ASAP1: variants seen among roughly 807,000 people sequenced by gnomAD.
ASAP1 encodes ArfGAP with SH3 domain, ankyrin repeat and PH domain 1.
In ASAP1, 43 loss-of-function variants were observed where a neutral mutation model predicts 145.2. The ratio of observed to expected loss-of-function variants is 0.30; its 90% CI spans 0.23 to 0.38. ASAP1 has a LOEUF of 0.38. Ranked by LOEUF, ASAP1 falls within the 10% of genes least tolerant of loss-of-function variation. ASAP1 has a pLI of 1.00. For synonymous variants in ASAP1, 546 were observed against 515.5 expected, an observed-to-expected ratio of 1.06 and a Z score of -0.80; for missense variants, 1,018 against 1,355.3, an observed-to-expected ratio of 0.75 and a Z score of 3.91.
chr8:130,341,364 T>C (rs190014133), intron 3 of ASAP1, among the ~76,000 whole-genome samples: 293 of 152,110 alleles, frequency 1.9e-3, no homozygotes, highest in African/African-American at 6.9e-3. Context: ...CAAGCATCAG[T>C]TGTGGGATCT....
chr8:130,072,830 C>CGCGCGCGCGCGCGCG lies in ASAP1; in HGVS notation c.2701+3517_2701+3518insCGCGCGCGCGCGCGC, dbSNP rs1448184178. On this transcript the variant is annotated intron_variant, in intron 27 of 29. Transcript: ENST00000518721. ...GTGTGTGTGTGTGTGTGTGTGCGCGCGGGGGGGGGCAGTTTTGGGGACTGA... is the reference window on the plus strand; with the variant it reads ...GTGTGTGTGTGTGTGTGTGTGCGCGCGCGCGCGCGCGCGCGGGGGGGGGGCAGTTTTGGGGACTGA... Among the ~76,000 whole-genome samples the CGCGCGCGCGCGCGCG allele has an allele frequency of 1.1e-3, 34 of 31,918 alleles. 1 individual carries two copies. Among genetic ancestry groups the CGCGCGCGCGCGCGCG allele is most frequent in the African/African-American group, 5.3e-3 (26 of 4,906 alleles). 20.9% of individuals were successfully genotyped at this position (31,918 alleles called of 152,430 possible). A position where few individuals can be genotyped will look rare whatever the true frequency, so the allele number is the denominator to read the frequency against.
intron 20 of ASAP1, 141 bp from the exon 21 acceptor site, chr8:130,117,136 C>T: frequency 3.3e-6 from 2 of 602,802 alleles, no homozygotes; most frequent in South Asian, 2.3e-5. Context: ...ATGTTTCTAA[C>T]CTAGATTTAT....
At chr8:130,081,704 A>G (rs2097480923) in intron 25 of ASAP1, among the ~76,000 whole-genome samples, 2 of 152,216 alleles carry the variant, frequency 1.3e-5, no homozygotes, top group African/African-American at 2.4e-5. Context: ...GACTGGCATC[A>G]TAAGATAAGG....
intron 3 of ASAP1, among the ~76,000 whole-genome samples, chr8:130,332,647 T>C (rs1457830407): frequency 6.6e-6 from 1 of 152,222 alleles, no homozygotes; most frequent in Non-Finnish European, 1.5e-5. Context: ...TTCCCTCTTC[T>C]GAATGGCTGA....
chr8:130,374,058 C>T (rs77474228), intron 2 of ASAP1, among the ~76,000 whole-genome samples: 1 of 93,350 alleles, frequency 1.1e-5, no homozygotes, highest in East Asian at 2.8e-4. Context: ...AAAAAAAAAG[C>T]AGCCATGTCC....
At chr8:130,274,444 G>A (rs1263689460) in intron 3 of ASAP1, among the ~76,000 whole-genome samples, 2 of 152,146 alleles carry the variant, frequency 1.3e-5, no homozygotes, top group Non-Finnish European at 2.9e-5. Context: ...AAAGAACCAG[G>A]CTGAAGAATC....
intron 15 of ASAP1, among the ~76,000 whole-genome samples, chr8:130,130,933 A>G (rs907693999): frequency 4.6e-5 from 7 of 152,010 alleles, no homozygotes; most frequent in Non-Finnish European, 7.4e-5. Flanking sequence ...AAGGCGGGCA[A>G]ATCACGAGGT....
chr8:130,401,211 G>A (rs928427125), intron 2 of ASAP1, among the ~76,000 whole-genome samples: 3 of 152,014 alleles, frequency 2.0e-5, no homozygotes, highest in Non-Finnish European at 4.4e-5. Flanking sequence ...TGGCAGGATT[G>A]TTGGGAGGAG....
At chr8:130,254,638 T>C (rs1292141295) in intron 3 of ASAP1, among the ~76,000 whole-genome samples, 2 of 152,184 alleles carry the variant, frequency 1.3e-5, no homozygotes, top group Non-Finnish European at 2.9e-5. Context: ...AGGTCCCCTT[T>C]CAGCAAATAG....
At chr8:130,066,595 TCTC>T (rs2097431299) in intron 27 of ASAP1, among the ~76,000 whole-genome samples, 1 of 152,012 alleles carries the variant, frequency 6.6e-6, no homozygotes, top group Admixed American at 6.6e-5. Context: ...CTTCTCTCTC[TCTC>T]CTTCCTTCCT....
intron 3 of ASAP1, among the ~76,000 whole-genome samples, chr8:130,288,196 C>CT (rs1259724651): frequency 1.3e-5 from 2 of 152,190 alleles, no homozygotes; most frequent in African/African-American, 4.8e-5. Flanking sequence ...CTGCTTGAGG[C>CT]TTTTCATCTG....
At chr8:130,242,423 TTA>T (rs1586667084) in intron 3 of ASAP1, among the ~76,000 whole-genome samples, 1 of 152,070 alleles carries the variant, frequency 6.6e-6, no homozygotes, top group East Asian at 1.9e-4. Context: ...GCAAATGTTC[TTA>T]TATGTGTTAT....
Position 130,054,381 on chromosome 8 carries a change from C to T in ASAP1, c.*350G>A, listed in dbSNP as rs2097399089. On this transcript the variant is annotated 3_prime_UTR_variant, in exon 30 of 30. Coordinates refer to ENST00000518721, the MANE Select transcript of ASAP1 (RefSeq NM_018482.4). ...TGCATTGTTAGGAACAGAGTCAATT[C>T]TATGCCTTTCAACGGTTGCTGGAGA... The T allele has an allele frequency of 8.7e-6, 2 of 230,138 alleles. No homozygotes were observed. The highest frequency in any genetic ancestry group is 6.7e-5 in the South Asian group (1 of 15,032). The allele number at this position is 230,138 out of a possible 1,614,324, so 14.3% of individuals were successfully genotyped here. A position where few individuals can be genotyped will look rare whatever the true frequency, so the allele number is the denominator to read the frequency against.
intron 15 of ASAP1, among the ~76,000 whole-genome samples, chr8:130,130,501 G>C (rs747520807): frequency 2.0e-4 from 31 of 152,034 alleles, no homozygotes; most frequent in Non-Finnish European, 2.6e-4. Context: ...ATTTCAAAAG[G>C]ACCAAGACTC....
At chr8:130,058,590 C>A (rs540424397) in intron 28 of ASAP1, among the ~76,000 whole-genome samples, 4 of 152,112 alleles carry the variant, frequency 2.6e-5, no homozygotes, top group African/African-American at 9.7e-5. Context: ...GCCTGGGGCT[C>A]GGAGAAGTCT....
intron 25 of ASAP1, chr8:130,083,705 C>T (rs2097486412): frequency 6.6e-6 from 1 of 152,236 alleles, no homozygotes; most frequent in Non-Finnish European, 1.5e-5. Context: ...TCTTCAATGG[C>T]ATGAAACAGA....
chr8:130,088,454 G>C (rs918740449), intron 25 of ASAP1, among the ~76,000 whole-genome samples: 9 of 152,134 alleles, frequency 5.9e-5, no homozygotes, highest in African/African-American at 2.2e-4. Context: ...ACTTATGAGA[G>C]AGAGGCAAAG....
intron 4 of ASAP1, among the ~76,000 whole-genome samples, chr8:130,219,677 A>G (rs781216263): frequency 6.6e-6 from 1 of 152,212 alleles, no homozygotes; most frequent in Non-Finnish European, 1.5e-5. Context: ...AGAAGACTGG[A>G]TAAAAGAAAA....
At chr8:130,109,368 G>C (rs149357338) in intron 24 of ASAP1, among the ~76,000 whole-genome samples, 1 of 152,114 alleles carries the variant, frequency 6.6e-6, no homozygotes, top group Non-Finnish European at 1.5e-5. Flanking sequence ...CTTGAATTTC[G>C]ATGAGGCAGC....
Sources: allele counts gnomAD v4.1 joint callset (sites outside exome capture counted in the v4.1 genomes callset), GRCh38; gene constraint gnomAD v4.1.1; transcripts MANE v1.5; gene names NCBI Gene and HGNC (gene_info 2026-07-23, HGNC 2026-07-21).